The following GTF2E2 variants were observed in gnomAD, a reference collection of about 807,000 sequenced individuals.
GTF2E2 encodes the protein general transcription factor IIE subunit 2.
GTF2E2 carries 21 observed loss-of-function variants against 40.5 expected under a neutral mutation model. The ratio of observed to expected loss-of-function variants is 0.52; its 90% CI spans 0.37 to 0.75. GTF2E2 has a LOEUF of 0.75. GTF2E2 is among the 30% of genes least tolerant of loss of function. The pLI, the probability that GTF2E2 is intolerant of heterozygous loss-of-function variation, is 0.00. For missense variants in GTF2E2, 298 were observed against 338.4 expected (o/e 0.88, Z 0.94); for synonymous variants, 117 against 121.6 (o/e 0.96, Z 0.25).
chr8:30,642,461 T>C (rs1431265860), intron 2 of GTF2E2, among the ~76,000 whole-genome samples: 3 of 152,174 alleles, frequency 2.0e-5, no homozygotes, highest in Non-Finnish European at 2.9e-5. Context: ...CTTTTTAAAA[T>C]AGATGATTTA....
At chr8:30,622,826 G>A (rs796554695) in intron 3 of GTF2E2, among the ~76,000 whole-genome samples, 25 of 152,156 alleles carry the variant, frequency 1.6e-4, no homozygotes, top group African/African-American at 5.3e-4. Context: ...TGTTCCACCC[G>A]GCTCACCGGT....
At chr8:30,634,247 A>G (rs2128723510) in intron 3 of GTF2E2, among the ~76,000 whole-genome samples, 1 of 152,308 alleles carries the variant, frequency 6.6e-6, no homozygotes, top group African/African-American at 2.4e-5. Context: ...TAGGAGTTCG[A>G]GACCAGCCTG....
At chr8:30,583,898 C>T (rs940831287) in intron 6 of GTF2E2, among the ~76,000 whole-genome samples, 9 of 151,952 alleles carry the variant, frequency 5.9e-5, no homozygotes, top group Admixed American at 3.3e-4. Flanking sequence ...CTCCACCTCC[C>T]GGGTTCACGC....
intron 1 of GTF2E2, among the ~76,000 whole-genome samples, chr8:30,653,845 T>C (rs1802366171): frequency 6.6e-6 from 1 of 151,990 alleles, no homozygotes; most frequent in Non-Finnish European, 1.5e-5. Flanking sequence ...CTGAAGCACT[T>C]TGGGAAGCCG....
At chr8:30,635,515 T>TG (rs559656328) in intron 2 of GTF2E2, among the ~76,000 whole-genome samples, 259 of 152,246 alleles carry the variant, frequency 1.7e-3, no homozygotes, top group African/African-American at 5.9e-3. Flanking sequence ...TCTGAGAGGC[T>TG]GGGACTACAG....
rs1370356807 is a variant in GTF2E2, at chr8:30,653,610, G to GA, written c.-4-9dup. On this transcript the variant is annotated splice_polypyrimidine_tract_variant and intron_variant, in intron 1 of 7. Coordinates refer to ENST00000355904, the MANE Select transcript of GTF2E2 (RefSeq NM_002095.6). Reference sequence around the variant, plus strand: ...AGGCTTGGATCCATAATGCTACAAAGAAAAAATAAGTGTCTTTAATACAAA... The same window carrying GA: ...AGGCTTGGATCCATAATGCTACAAAGAAAAAAATAAGTGTCTTTAATACAAA... The GA allele has an allele frequency of 6.3e-7, 1 of 1,595,464 alleles. No individual in the cohort carries two copies. The highest frequency in any genetic ancestry group is 2.2e-5 in the East Asian group (1 of 44,702).
At chr8:30,623,012 G>C (rs1801158495) in intron 3 of GTF2E2, among the ~76,000 whole-genome samples, 1 of 152,086 alleles carries the variant, frequency 6.6e-6, no homozygotes, top group Non-Finnish European at 1.5e-5. Context: ...ACAGGATTAA[G>C]AGATTAAAGT....
chr8:30,597,805 G>A (rs1444425663), intron 6 of GTF2E2, among the ~76,000 whole-genome samples: 1 of 152,326 alleles, frequency 6.6e-6, no homozygotes, highest in East Asian at 1.9e-4. Context: ...TTTAAAGGCT[G>A]TTTAATGAAT....
intron 6 of GTF2E2, chr8:30,584,905 T>G (rs1387407311): frequency 6.6e-6 from 1 of 152,180 alleles, no homozygotes; most frequent in Admixed American, 6.5e-5. Context: ...TAATAATACC[T>G]GCCTCGCCGA....
chr8:30,628,169 G>A (rs1801339505), intron 3 of GTF2E2, among the ~76,000 whole-genome samples: 1 of 152,160 alleles, frequency 6.6e-6, no homozygotes, highest in African/African-American at 2.4e-5. Flanking sequence ...CTGGGTGAAG[G>A]TTCCTTTCTT....
At chr8:30,653,659 C>A in intron 1 of GTF2E2, 57 bp from the exon 2 acceptor site, 1 of 1,216,670 alleles carries the variant, frequency 8.2e-7, no homozygotes. Flanking sequence ...AACCTGCACT[C>A]CAAATCCACA....
chr8:30,614,926 T>C (rs1374348538), intron 3 of GTF2E2, among the ~76,000 whole-genome samples: 4 of 151,738 alleles, frequency 2.6e-5, no homozygotes, highest in Admixed American at 6.6e-5. Flanking sequence ...CAAAAAAATA[T>C]ATGCAACTCG....
At chr8:30,636,821 C>G (rs1018568320) in intron 2 of GTF2E2, 5 of 312,588 alleles carry the variant, frequency 1.6e-5, no homozygotes, top group African/African-American at 1.1e-4. Flanking sequence ...CCACTGCACT[C>G]CAGCCTGGCA....
intron 3 of GTF2E2, among the ~76,000 whole-genome samples, chr8:30,633,411 T>C (rs553183402): frequency 6.6e-6 from 1 of 152,322 alleles, no homozygotes; most frequent in East Asian, 1.9e-4. Flanking sequence ...AGTGATATAT[T>C]TTATTGAAAT....
intron 4 of GTF2E2, 131 bp downstream of exon 4, chr8:30,614,477 G>A (rs1381273201): frequency 1.8e-6 from 1 of 556,330 alleles, no homozygotes; most frequent in African/African-American, 2.0e-5. Context: ...CTACTCGGGA[G>A]GCTGAGTCAG....
intron 2 of GTF2E2, among the ~76,000 whole-genome samples, chr8:30,649,680 A>G (rs1430346397): frequency 6.6e-6 from 1 of 152,190 alleles, no homozygotes; most frequent in Non-Finnish European, 1.5e-5. Context: ...CCCTGTCTCT[A>G]CTAAAAATAC....
intron 2 of GTF2E2, among the ~76,000 whole-genome samples, chr8:30,639,157 C>T (rs772942624): frequency 6.6e-6 from 1 of 151,950 alleles, no homozygotes; most frequent in Admixed American, 6.6e-5. Context: ...TTTTATTTTG[C>T]TTTGAATGTA....
chr8:30,641,139 A>C (rs2128726008), intron 2 of GTF2E2, among the ~76,000 whole-genome samples: 1 of 152,302 alleles, frequency 6.6e-6, no homozygotes, highest in East Asian at 1.9e-4. Flanking sequence ...ATGACTCCAT[A>C]TTAGAGAGTT....
chr8:30,647,575 CCGT>C (rs1287025968), intron 2 of GTF2E2, among the ~76,000 whole-genome samples: 1 of 152,186 alleles, frequency 6.6e-6, no homozygotes, highest in African/African-American at 2.4e-5. Context: ...GAGTGAAACT[CCGT>C]CTCAAACAAA....
Sources: gnomAD v4.1 joint callset for allele counts (sites outside exome capture counted in the v4.1 genomes callset) on GRCh38, gnomAD v4.1.1 for gene constraint, MANE v1.5 for transcripts, NCBI Gene and HGNC (gene_info 2026-07-23, HGNC 2026-07-21) for gene names.